The following IL1RAPL2 variants were observed in gnomAD, a reference collection of about 807,000 sequenced individuals.
IL1RAPL2 encodes X-linked interleukin-1 receptor accessory protein-like 2.
In IL1RAPL2, 3 loss-of-function variants were observed where a neutral mutation model predicts 44.1. The ratio of observed to expected loss-of-function variants is 0.07; its 90% CI spans 0.03 to 0.18. The LOEUF (loss-of-function observed/expected upper bound fraction) is 0.18, where lower values mean the gene tolerates loss of function less well. IL1RAPL2 is among the 10% of genes least tolerant of loss of function. The probability of loss-of-function intolerance (pLI) is 1.00; values close to 1 mark genes in which losing one functional copy is unlikely to be tolerated. For missense variants in IL1RAPL2, 391 were observed against 496.4 expected, an observed-to-expected ratio of 0.79 and a Z score of 2.02; for synonymous variants, 181 against 178.8, an observed-to-expected ratio of 1.01 and a Z score of -0.10.
chrX:105,378,371 T>G (rs954855178), intron 5 of IL1RAPL2, among the ~76,000 whole-genome samples: 4 of 112,074 alleles, frequency 3.6e-5, no homozygotes, highest in Admixed American at 9.5e-5. Context: ...TTTCAGCTTA[T>G]ATTTCTAAGC....
chrX:105,112,587 T>C, intron 2 of IL1RAPL2, among the ~76,000 whole-genome samples: 1 of 112,563 alleles, frequency 8.9e-6, no homozygotes, highest in Non-Finnish European at 1.9e-5. Flanking sequence ...TTGTACGAAA[T>C]GTAAGGTGTG....
chrX:105,460,885 C>T (rs1206882929), intron 5 of IL1RAPL2, among the ~76,000 whole-genome samples: 5 of 111,288 alleles, frequency 4.5e-5, no homozygotes, highest in African/African-American at 1.6e-4. Context: ...ACTCATTCAC[C>T]CAGGATAAAG....
At chrX:105,148,658 C>T (rs1461080393) in intron 2 of IL1RAPL2, among the ~76,000 whole-genome samples, 2 of 111,421 alleles carry the variant, frequency 1.8e-5, no homozygotes, top group Non-Finnish European at 3.8e-5. Context: ...GAATCTTAGG[C>T]ATTTTTAAAA....
chrX:105,010,251 C>A (rs1443622247), intron 2 of IL1RAPL2, among the ~76,000 whole-genome samples: 1 of 111,121 alleles, frequency 9.0e-6, no homozygotes, highest in Non-Finnish European at 1.9e-5. Flanking sequence ...TGCTTGGCAC[C>A]TTGGTAATGT....
intron 5 of IL1RAPL2, among the ~76,000 whole-genome samples, chrX:105,308,104 A>G (rs1036230816): frequency 9.0e-6 from 1 of 111,216 alleles, no homozygotes; most frequent in Non-Finnish European, 1.9e-5. Context: ...ATTAAAAACC[A>G]TGAGTTTATA....
intron 2 of IL1RAPL2, among the ~76,000 whole-genome samples, chrX:104,973,501 C>G (rs1038126270): frequency 9.0e-6 from 1 of 111,687 alleles, no homozygotes; most frequent in African/African-American, 3.3e-5. Flanking sequence ...AAAAAACTCA[C>G]AGGAGCCGAC....
At chrX:104,731,701 C>G (rs1295387810) in intron 2 of IL1RAPL2, among the ~76,000 whole-genome samples, 1 of 111,522 alleles carries the variant, frequency 9.0e-6, no homozygotes, top group Non-Finnish European at 1.9e-5. Flanking sequence ...TTAAAGGCGC[C>G]TGGCCTGTTT....
At chrX:105,640,336 C>A (rs1431695221) in intron 6 of IL1RAPL2, among the ~76,000 whole-genome samples, 1 of 109,252 alleles carries the variant, frequency 9.2e-6, no homozygotes, top group African/African-American at 3.3e-5. Flanking sequence ...TACCCTAGGA[C>A]CCTTCTTCCA....
intron 10 of IL1RAPL2, among the ~76,000 whole-genome samples, chrX:105,759,421 T>C (rs979582967): frequency 5.3e-5 from 6 of 112,191 alleles, no homozygotes; most frequent in African/African-American, 1.6e-4. Flanking sequence ...AATTTCCCCT[T>C]CTATTTATAG....
At chrX:105,326,521 A>G (rs1237332500) in intron 5 of IL1RAPL2, among the ~76,000 whole-genome samples, 1 of 111,485 alleles carries the variant, frequency 9.0e-6, no homozygotes, top group African/African-American at 3.3e-5. Context: ...AATGTTTTCT[A>G]CTAAGAGTTT....
At chrX:105,369,477 G>A (rs1328963181) in intron 5 of IL1RAPL2, among the ~76,000 whole-genome samples, 1 of 111,273 alleles carries the variant, frequency 9.0e-6, no homozygotes, top group Non-Finnish European at 1.9e-5. Flanking sequence ...CAGCTGGAGA[G>A]GTTGGGGTGT....
chrX:104,848,098 G>A (rs2147639806), intron 2 of IL1RAPL2, among the ~76,000 whole-genome samples: 1 of 110,146 alleles, frequency 9.1e-6, no homozygotes, highest in Non-Finnish European at 1.9e-5. Flanking sequence ...TTTGGGCTGA[G>A]GCGATGGGGT....
intron 3 of IL1RAPL2, among the ~76,000 whole-genome samples, chrX:105,230,092 C>T (rs781939395): frequency 1.8e-5 from 2 of 112,199 alleles, no homozygotes; most frequent in Non-Finnish European, 1.9e-5. Flanking sequence ...CCACCATGCC[C>T]GGCCAGAAGT....
At chrX:105,557,249 C>G (rs1199940547) in intron 6 of IL1RAPL2, among the ~76,000 whole-genome samples, 1 of 111,332 alleles carries the variant, frequency 9.0e-6, no homozygotes, top group African/African-American at 3.3e-5. Flanking sequence ...TGTCATATTT[C>G]TCGAAAGATT....
chrX:104,702,910 A>T (rs977088991), intron 2 of IL1RAPL2, among the ~76,000 whole-genome samples: 2 of 111,910 alleles, frequency 1.8e-5, no homozygotes, highest in Non-Finnish European at 3.8e-5. Flanking sequence ...ATTATAAATT[A>T]TGAAGGGAAG....
At chrX:105,142,459 A>C (rs1416695330) in intron 2 of IL1RAPL2, among the ~76,000 whole-genome samples, 1 of 111,179 alleles carries the variant, frequency 9.0e-6, no homozygotes, top group Non-Finnish European at 1.9e-5. Context: ...AAGCACTGCC[A>C]TCTTCCACTC....
rs1022025934 is a variant in IL1RAPL2 at position 104,978,011 on chromosome X, C to A, written c.83-217464C>A. Among the ~76,000 whole-genome samples the A allele has an allele frequency of 8.1e-5, 9 of 111,319 alleles. No individual in the cohort carries two copies. The Admixed American group carries it at 8.6e-4, about 11-fold the overall frequency. On this transcript the variant is annotated intron_variant, in intron 2 of 10. Transcript: ENST00000372582. ...GGCATGTCTTATGGAGAGATCCTTT[C>A]ACTTTTTCCCTGTTTCAGCTAGTCT...
At chrX:105,531,813 TGGC>T (rs2036638671) in intron 6 of IL1RAPL2, among the ~76,000 whole-genome samples, 1 of 111,893 alleles carries the variant, frequency 8.9e-6, no homozygotes, top group Non-Finnish European at 1.9e-5. Flanking sequence ...TTGAAGACAC[TGGC>T]TTTTCCCCAG....
chrX:104,618,762 G>A (rs762694588), intron 1 of IL1RAPL2, among the ~76,000 whole-genome samples: 1 of 111,572 alleles, frequency 9.0e-6, no homozygotes, highest in African/African-American at 3.3e-5. Flanking sequence ...AAGCAAGCTG[G>A]TTCTCTGAAT....
Sources: allele counts gnomAD v4.1 joint callset (sites outside exome capture counted in the v4.1 genomes callset), GRCh38; gene constraint gnomAD v4.1.1; transcripts MANE v1.5; gene names NCBI Gene and HGNC (gene_info 2026-07-23, HGNC 2026-07-21).